The following CEP126 variants were observed in gnomAD, a reference collection of about 807,000 sequenced individuals.
CEP126 encodes the protein centrosomal protein of 126 kDa.
A neutral mutation model predicts 107.8 loss-of-function variants in CEP126; 74 were observed. The observed-to-expected ratio is 0.69, with a 90% confidence interval of 0.57 to 0.83. The LOEUF (loss-of-function observed/expected upper bound fraction) is 0.83, where lower values mean the gene tolerates loss of function less well. Ranked by LOEUF, CEP126 falls within the 40% of genes least tolerant of loss-of-function variation. The probability of loss-of-function intolerance (pLI) is 0.00; values close to 1 mark genes in which losing one functional copy is unlikely to be tolerated. For synonymous variants in CEP126, 449 were observed against 446.0 expected, an observed-to-expected ratio of 1.01 and a Z score of -0.08; for missense variants, 1,237 against 1,281.9, an observed-to-expected ratio of 0.96 and a Z score of 0.53.
chr11:101,922,013 G>A (rs191246669), intron 1 of CEP126, among the ~76,000 whole-genome samples: 3,242 of 151,642 alleles, frequency 0.021, 36 homozygotes, highest in African/African-American at 0.029. Flanking sequence ...TCAAACTCCT[G>A]ACCTCAGGTG....
Position 101,962,060 on chromosome 11 carries a change from AT to A in CEP126, c.1029del (p.Phe343LeufsTer11), listed in dbSNP as rs1940981776. ...TCTAATGTTCTGCCTTCATGGGAAT[AT>A]TTTAATAGTAAAGAACAAAATCCAT... ...SKSNVLPSWE[Y>X]FNSKEQNPSP... On this transcript the variant is annotated frameshift_variant, in exon 6 of 11. Transcript: ENST00000263468. LOFTEE classifies it high-confidence loss of function. 3.1e-6 allele frequency: 5 copies of A among 1,613,094 alleles called. No homozygotes were observed. The highest frequency in any genetic ancestry group is 4.2e-6 in the Non-Finnish European group (5 of 1,179,450).
At position 101,962,038 on chromosome 11, in the gene CEP126, A is replaced by C. The variant is rs750990436; in HGVS notation, c.1003A>C (p.Asn335His). Reference sequence around the variant, plus strand: ...TTTCTCAGATATTTTAAGTAAATCTAATGTTCTGCCTTCATGGGAATATTT... The same window carrying C: ...TTTCTCAGATATTTTAAGTAAATCTCATGTTCTGCCTTCATGGGAATATTT... ...TAFSDILSKS[N>H]VLPSWEYFNS... The change falls in exon 6 of 11, where the codon AAT becomes CAT. Residue 335 changes from asparagine to histidine, a missense_variant. This residue lies in a region of CEP126 where 1,134 missense variants were observed against 1,150.5 expected (regional missense o/e 0.99). Transcript: ENST00000263468. The C allele has an allele frequency of 6.2e-7, 1 of 1,613,448 alleles. No homozygotes were observed. Among genetic ancestry groups the C allele is most frequent in the South Asian group, 1.1e-5 (1 of 90,982 alleles).
rs1179691868 is a variant in CEP126 at position 101,948,169 on chromosome 11, A to C, written c.506+27A>C. ...TAAGTAATTTATGATCATTGTATAC[A>C]ATTATTACAATAATTGTATAACCAT... On this transcript the variant is annotated intron_variant, in intron 4 of 10. Coordinates refer to ENST00000263468, the MANE Select transcript of CEP126 (RefSeq NM_020802.4). 4 of 1,342,896 alleles carry C rather than the reference A, an allele frequency of 3.0e-6. No homozygotes were observed. In the South Asian group the frequency reaches 3.8e-5, roughly 13 times the overall value. The allele number at this position is 1,342,896 out of a possible 1,614,324, so 83.2% of individuals were successfully genotyped here.
chr11:101,933,268 G>T (rs1201736341), intron 2 of CEP126, among the ~76,000 whole-genome samples: 1 of 152,166 alleles, frequency 6.6e-6, no homozygotes, highest in Non-Finnish European at 1.5e-5. Context: ...AATTTAGTGA[G>T]ATAAATCCTA....
intron 1 of CEP126, 119 bp from the exon 2 acceptor site, chr11:101,922,522 A>T (rs762116529): frequency 1.4e-5 from 11 of 809,932 alleles, no homozygotes; most frequent in Non-Finnish European, 2.0e-5. Context: ...CATACTAATT[A>T]TTCCACAAAA....
At chr11:101,920,820 C>T (rs1325630526) in intron 1 of CEP126, among the ~76,000 whole-genome samples, 2 of 152,032 alleles carry the variant, frequency 1.3e-5, no homozygotes, top group African/African-American at 2.4e-5. Flanking sequence ...TGCCCAGGCT[C>T]ATCTCAAACT....
At chr11:101,920,073 T>C (rs1046665314) in intron 1 of CEP126, among the ~76,000 whole-genome samples, 3 of 152,228 alleles carry the variant, frequency 2.0e-5, no homozygotes, top group East Asian at 3.8e-4. Context: ...AGTAAAAATA[T>C]GTTTGTGAGT....
At chr11:101,958,137 G>A (rs1940923652) in intron 4 of CEP126, 31 bp from the exon 5 acceptor site, 2 of 1,589,398 alleles carry the variant, frequency 1.3e-6, no homozygotes, top group East Asian at 2.2e-5. Context: ...TTATTTAAAT[G>A]TACTAAGCAC....
chr11:101,962,974 C>A lies in CEP126; in HGVS notation c.1939C>A (p.His647Asn). ...TATAGAAAACAATGCTGAAAACAGT[C>A]ATTCACTGAAGAATAAAACAGGAAC... ...SNIENNAENSHSLKNKTGTTQ... is the reference protein window; with the variant it reads ...SNIENNAENSNSLKNKTGTTQ... The change falls in exon 6 of 11, where the codon CAT becomes AAT. Residue 647 changes from histidine (H) to asparagine (N), a missense_variant. By Grantham distance (68) the His-to-Asn change is moderately conservative. Coordinates refer to ENST00000263468, the MANE Select transcript of CEP126 (RefSeq NM_020802.4). The A allele has an allele frequency of 6.2e-7, 1 of 1,612,468 alleles. No homozygotes were observed. Among genetic ancestry groups the A allele is most frequent in the South Asian group, 1.1e-5 (1 of 90,524 alleles).
intron 10 of CEP126, 157 bp downstream of exon 10, chr11:101,992,999 C>A: frequency 2.4e-6 from 1 of 422,262 alleles, no homozygotes; most frequent in Non-Finnish European, 3.2e-6. Context: ...TAAGACTGTT[C>A]ATTAGAATTA....
chr11:101,922,776 T>G lies in CEP126; in HGVS notation c.248+16T>G. ...GGAGAAAAAAGTAAGTAATTGCACT[T>G]TATTCAGAAGTATAGAAATTCAAAG... On this transcript the variant is annotated intron_variant, in intron 2 of 10. Transcript: ENST00000263468. 1 of 1,602,028 alleles carries G rather than the reference T, an allele frequency of 6.2e-7. No individual in the cohort carries two copies. Among genetic ancestry groups the G allele is most frequent in the South Asian group, 1.1e-5 (1 of 90,504 alleles).
In CEP126 at chr11:101,983,821, T is replaced by A. The variant is rs139066762; in HGVS notation, c.3034+1857T>A. Among the ~76,000 whole-genome samples the A allele has an allele frequency of 9.9e-5, 15 of 152,274 alleles. No homozygotes were observed. In the East Asian group the frequency reaches 2.9e-3, roughly 29 times the overall value. ...TGCTAATGACTCAGTCACGCCCAAG[T>A]GTAAATTTGCTATGATAGGCAAAAG... On this transcript the variant is annotated intron_variant, in intron 8 of 10. Transcript: ENST00000263468.
chr11:101,924,578 G>T (rs1940379665), intron 2 of CEP126, among the ~76,000 whole-genome samples: 1 of 152,036 alleles, frequency 6.6e-6, no homozygotes, highest in South Asian at 2.1e-4. Context: ...CGATTCCCCT[G>T]CCTCAACCCC....
At chr11:101,996,319 GT>G (rs1187595210) in intron 10 of CEP126, among the ~76,000 whole-genome samples, 4 of 152,244 alleles carry the variant, frequency 2.6e-5, no homozygotes, top group Admixed American at 2.6e-4. Context: ...GCTTCAATTT[GT>G]TTACCCACAC....
At chr11:101,947,981 C>T in intron 3 of CEP126, 50 bp from the exon 4 acceptor site, 4 of 824,196 alleles carry the variant, frequency 4.9e-6, no homozygotes, top group South Asian at 4.6e-5. Context: ...GTAAAGTGAC[C>T]ACTGAAGATA....
intron 4 of CEP126, among the ~76,000 whole-genome samples, chr11:101,948,724 G>A (rs1047262804): frequency 6.6e-6 from 1 of 152,046 alleles, no homozygotes; most frequent in Non-Finnish European, 1.5e-5. Flanking sequence ...AAGTAGATCA[G>A]GCATTATAAG....
chr11:101,940,871 C>T (rs141424640), intron 2 of CEP126, among the ~76,000 whole-genome samples: 2,671 of 152,290 alleles, frequency 0.018, 32 homozygotes, highest in Non-Finnish European at 0.028. Context: ...GGAAGTCACA[C>T]AGTATCACTT....
chr11:101,989,658 T>C (rs952165432), intron 9 of CEP126, among the ~76,000 whole-genome samples: 8 of 152,122 alleles, frequency 5.3e-5, no homozygotes, highest in African/African-American at 1.9e-4. Context: ...CAGCCTAGCA[T>C]CCAAGGAAAC....
At chr11:101,951,616 G>A (rs984580330) in intron 4 of CEP126, among the ~76,000 whole-genome samples, 1 of 151,150 alleles carries the variant, frequency 6.6e-6, no homozygotes, top group Non-Finnish European at 1.5e-5. Flanking sequence ...AATAGAAGCA[G>A]AAAGAAAAGA....
Sources: allele counts gnomAD v4.1 joint callset (sites outside exome capture counted in the v4.1 genomes callset), GRCh38; gene constraint gnomAD v4.1.1; regional missense constraint gnomAD v4.1.1; transcripts MANE v1.5; gene names NCBI Gene and HGNC (gene_info 2026-07-23, HGNC 2026-07-21).